TIAM1: variants seen among roughly 807,000 people sequenced by gnomAD.
The protein encoded by TIAM1 is rho guanine nucleotide exchange factor TIAM1.
TIAM1 carries 65 observed loss-of-function variants against 163.5 expected under a neutral mutation model. The ratio of observed to expected loss-of-function variants is 0.40; its 90% CI spans 0.33 to 0.49. The LOEUF (loss-of-function observed/expected upper bound fraction) is 0.49, where lower values mean the gene tolerates loss of function less well. Among genes scored for constraint, TIAM1 ranks in the 20% least tolerant of loss-of-function variants. The pLI is 0.77. For synonymous variants in TIAM1, 833 were observed against 810.1 expected (o/e 1.03, Z -0.48); for missense variants, 1,789 against 2,044.7 (o/e 0.87, Z 2.41).
At chr21:31,524,089 TAA>T (rs896253732) in intron 1 of TIAM1, among the ~76,000 whole-genome samples, 1 of 151,874 alleles carries the variant, frequency 6.6e-6, no homozygotes, top group Non-Finnish European at 1.5e-5. Context: ...AAAAAAAAGC[TAA>T]GACTCAGGAT....
chr21:31,397,991 A>G (rs2077101101), intron 2 of TIAM1, among the ~76,000 whole-genome samples: 1 of 151,990 alleles, frequency 6.6e-6, no homozygotes, highest in Non-Finnish European at 1.5e-5. Flanking sequence ...AGATCTGCAC[A>G]GACTCCAAGT....
At chr21:31,367,866 T>A (rs1455825071) in intron 2 of TIAM1, among the ~76,000 whole-genome samples, 1 of 152,208 alleles carries the variant, frequency 6.6e-6, no homozygotes, top group Admixed American at 6.5e-5. Flanking sequence ...TAACTTGGAA[T>A]CACGTAATCA....
At chr21:31,486,622 C>A (rs763429289) in intron 1 of TIAM1, among the ~76,000 whole-genome samples, 2 of 152,346 alleles carry the variant, frequency 1.3e-5, no homozygotes, top group East Asian at 3.9e-4. Context: ...ACCCATGTCA[C>A]GGGCTTGGCA....
rs192468269 is a variant in TIAM1, at chr21:31,517,255, T to C, written c.-422+41672A>G. Reference sequence around the variant, plus strand: ...CTGTGTAAAGAGCTTTAAAACAGACTGAGGGTCATGGCTCGTGCCTGTAAT... The same window carrying C: ...CTGTGTAAAGAGCTTTAAAACAGACCGAGGGTCATGGCTCGTGCCTGTAAT... On this transcript the variant is annotated intron_variant, in intron 1 of 28. Transcript: ENST00000286827. 1.2e-4 allele frequency among the ~76,000 whole-genome samples: 19 copies of C among 152,038 alleles called. No individual in the cohort carries two copies. The East Asian group carries it at 3.7e-3, about 30-fold the overall frequency.
intron 2 of TIAM1, among the ~76,000 whole-genome samples, chr21:31,461,455 G>C (rs1033448005): frequency 2.6e-5 from 4 of 152,096 alleles, no homozygotes; most frequent in Non-Finnish European, 4.4e-5. Flanking sequence ...CTGTACTGCA[G>C]CCTGGGCAAC....
At chr21:31,424,735 T>C (rs960825410) in intron 2 of TIAM1, among the ~76,000 whole-genome samples, 3 of 152,164 alleles carry the variant, frequency 2.0e-5, no homozygotes, top group East Asian at 3.8e-4. Context: ...GTAAATTAAC[T>C]GTACTGAACT....
intron 1 of TIAM1, among the ~76,000 whole-genome samples, chr21:31,526,654 T>C (rs182724228): frequency 3.0e-4 from 46 of 152,304 alleles, no homozygotes; most frequent in East Asian, 3.9e-4. Context: ...GTACTTTACC[T>C]TCATCATATA....
intron 1 of TIAM1, among the ~76,000 whole-genome samples, chr21:31,547,950 T>A (rs1302589463): frequency 6.6e-6 from 1 of 152,142 alleles, no homozygotes; most frequent in African/African-American, 2.4e-5. Flanking sequence ...GAAATTATTA[T>A]CTAGCTTTAA....
At chr21:31,232,144 A>G (rs976423942) in intron 6 of TIAM1, among the ~76,000 whole-genome samples, 1 of 152,062 alleles carries the variant, frequency 6.6e-6, no homozygotes, top group Non-Finnish European at 1.5e-5. Flanking sequence ...CTCAATTTAA[A>G]AGAAAAAATA....
At chr21:31,203,479 T>C (rs988739048) in intron 11 of TIAM1, among the ~76,000 whole-genome samples, 2 of 152,266 alleles carry the variant, frequency 1.3e-5, no homozygotes, top group Non-Finnish European at 2.9e-5. Flanking sequence ...TTAAAAAGTT[T>C]ACATCGTAAA....
chr21:31,521,615 T>C (rs1569409196), intron 1 of TIAM1, among the ~76,000 whole-genome samples: 1 of 152,028 alleles, frequency 6.6e-6, no homozygotes, highest in Non-Finnish European at 1.5e-5. Context: ...TGTGCACCTG[T>C]AGTCCCAGCT....
At chr21:31,430,092 G>A (rs886611554) in intron 2 of TIAM1, among the ~76,000 whole-genome samples, 6 of 151,594 alleles carry the variant, frequency 4.0e-5, no homozygotes, top group African/African-American at 1.5e-4. Context: ...CTGTAATCCG[G>A]CTACTCCGGA....
chr21:31,131,583 A>G (rs16987807), intron 23 of TIAM1, among the ~76,000 whole-genome samples: 4,675 of 152,232 alleles, frequency 0.031, 240 homozygotes, highest in African/African-American at 0.11. Context: ...AGAATTTGTT[A>G]AGCAATGCCA....
At chr21:31,543,858 A>G (rs1011097105) in intron 1 of TIAM1, among the ~76,000 whole-genome samples, 1 of 152,214 alleles carries the variant, frequency 6.6e-6, no homozygotes, top group Non-Finnish European at 1.5e-5. Context: ...AGCTTTCAGA[A>G]AATCAAGCTT....
At chr21:31,301,892 A>ATG (rs1887032994) in intron 2 of TIAM1, among the ~76,000 whole-genome samples, 1 of 148,898 alleles carries the variant, frequency 6.7e-6, no homozygotes, top group African/African-American at 2.4e-5. Flanking sequence ...TATAATATAT[A>ATG]TAAAATGTGT....
intron 20 of TIAM1, among the ~76,000 whole-genome samples, chr21:31,144,830 G>GAAAAAAAAAAAAAAAAA (rs764835303): frequency 1.6e-4 from 12 of 74,474 alleles, no homozygotes; most frequent in Non-Finnish European, 1.9e-4. Context: ...CTCCATCTCA[G>GAAAAAAAAAAAAAAAAA]AAAAAAAAAA....
At position 31,179,944 on chromosome 21, in the gene TIAM1, C is replaced by T. The variant is rs180848579; in HGVS notation, c.2887+2477G>A. On this transcript the variant is annotated intron_variant, in intron 15 of 27. Coordinates refer to ENST00000541036, the MANE Select transcript of TIAM1 (RefSeq NM_001353694.2). Reference sequence around the variant, plus strand: ...TTTTTGAGACGGAATCTTGCTCTGTCGCCCAGGCTGAAGTGCAGTGGTGCA... The same window carrying T: ...TTTTTGAGACGGAATCTTGCTCTGTTGCCCAGGCTGAAGTGCAGTGGTGCA... Among the ~76,000 whole-genome samples the T allele has an allele frequency of 8.2e-3, 1,131 of 138,334 alleles. 17 individuals carry two copies. The highest frequency in any genetic ancestry group is 0.029 in the African/African-American group (1,073 of 36,766). The allele number at this position is 138,334 out of a possible 152,430, so 90.8% of individuals were successfully genotyped here. A position where few individuals can be genotyped will look rare whatever the true frequency, so the allele number is the denominator to read the frequency against.
At chr21:31,282,263 T>C (rs2073601291) in intron 2 of TIAM1, among the ~76,000 whole-genome samples, 1 of 152,232 alleles carries the variant, frequency 6.6e-6, no homozygotes, top group Non-Finnish European at 1.5e-5. Flanking sequence ...TGATGAGCAA[T>C]GCTCTAGACC....
chr21:31,313,857 A>G (rs745530835), intron 2 of TIAM1, among the ~76,000 whole-genome samples: 2 of 152,240 alleles, frequency 1.3e-5, no homozygotes, highest in Admixed American at 6.5e-5. Flanking sequence ...GATTACAGGC[A>G]TGAGCCACTG....
Sources: gnomAD v4.1 joint callset for allele counts (sites outside exome capture counted in the v4.1 genomes callset) on GRCh38, gnomAD v4.1.1 for gene constraint, MANE v1.5 for transcripts, NCBI Gene and HGNC (gene_info 2026-07-23, HGNC 2026-07-21) for gene names.